Variants in NOL12 observed in about 807,000 individuals in gnomAD.
The protein encoded by NOL12 is nucleolar protein 12.
In NOL12, 21 loss-of-function variants were observed where a neutral mutation model predicts 25.2. The ratio of observed to expected loss-of-function variants is 0.83; its 90% CI spans 0.59 to 1.20. The LOEUF is 1.20. Ranked by LOEUF, NOL12 falls within the 50% of genes most tolerant of loss-of-function variation. NOL12 has a pLI of 0.00. For synonymous variants in NOL12, 133 were observed against 113.8 expected, an observed-to-expected ratio of 1.17 and a Z score of -1.08; for missense variants, 286 against 287.6, an observed-to-expected ratio of 0.99 and a Z score of 0.04.
Position 37,692,339 on chromosome 22 carries a change from GT to G in NOL12, c.*1005del. 2.5e-6 allele frequency: 1 copy of G among 395,460 alleles called. No individual in the cohort carries two copies. Among genetic ancestry groups the G allele is most frequent in the Non-Finnish European group, 4.5e-6 (1 of 224,634 alleles). 24.5% of individuals were successfully genotyped at this position (395,460 alleles called of 1,614,324 possible). A position where few individuals can be genotyped will look rare whatever the true frequency, so the allele number is the denominator to read the frequency against. ...GCCATTGCACTCCAGCCTGGGCAACGTTGTGACCTTGTCTCAAAAAAAAACT... is the reference window on the plus strand; with the variant it reads ...GCCATTGCACTCCAGCCTGGGCAACGTGTGACCTTGTCTCAAAAAAAAACT... On this transcript the variant is annotated 3_prime_UTR_variant, in exon 6 of 6. Coordinates refer to ENST00000359114, the MANE Select transcript of NOL12 (RefSeq NM_024313.3).
chr22:37,688,512 A>G, intron 3 of NOL12, 152 bp downstream of exon 3: 1 of 776,256 alleles, frequency 1.3e-6, no homozygotes, highest in Non-Finnish European at 2.2e-6. Context: ...CTCTAAGTGC[A>G]AGTGGAACAG....
Position 37,688,347 on chromosome 22 carries a change from A to G in NOL12, c.225A>G (p.Arg75=). Residue 75 remains arginine (R), a synonymous_variant, in exon 3 of 6, where the codon AGA becomes AGG. Transcript: ENST00000359114. ...AATACTTGAAGATGCTGGCAGAGAG[A>G]GAAGAGGCTCTGGGTAAGTGGCATG... ...HQEYLKMLAE[R]EEALEEADEL... 1.9e-6 allele frequency: 3 copies of G among 1,614,146 alleles called. No individual in the cohort carries two copies. Among genetic ancestry groups the G allele is most frequent in the Non-Finnish European group, 2.5e-6 (3 of 1,180,006 alleles).
chr22:37,692,736 G>T lies in NOL12; in HGVS notation c.*1400G>T, dbSNP rs558955900. ...GCCCTGATGTGGGAGCTCCTGGAGT[G>T]GGGGTGAGCAGTGAGCCAGGGTCTG... is the stretch of plus-strand genomic sequence containing the variant. On this transcript the variant is annotated 3_prime_UTR_variant, in exon 6 of 6. Coordinates refer to ENST00000359114, the MANE Select transcript of NOL12 (RefSeq NM_024313.3). 3.8e-5 allele frequency: 15 copies of T among 399,132 alleles called. No homozygotes were observed. In the East Asian group the frequency reaches 5.3e-4, roughly 14 times the overall value. The allele number at this position is 399,132 out of a possible 1,614,324, so 24.7% of individuals were successfully genotyped here.
Position 37,691,545 on chromosome 22 carries a change from A to G in NOL12, c.*209A>G. ...GAATTCCCGAAGGAGCAGGCAGCTG[A>G]GAGCAGGCCTCCCCCAGGAAGAGCC... On this transcript the variant is annotated 3_prime_UTR_variant, in exon 6 of 6. Coordinates refer to ENST00000359114, the MANE Select transcript of NOL12 (RefSeq NM_024313.3). 1 of 566,962 alleles carries G rather than the reference A, an allele frequency of 1.8e-6. No homozygotes were observed. 35.1% of individuals were successfully genotyped at this position (566,962 alleles called of 1,614,324 possible). A position where few individuals can be genotyped will look rare whatever the true frequency, so the allele number is the denominator to read the frequency against.
In NOL12 at chr22:37,687,894, G is replaced by A. The variant is rs1185691540; in HGVS notation, c.84-16G>A. 8 of 1,552,698 alleles carry A rather than the reference G, an allele frequency of 5.2e-6. No individual in the cohort carries two copies. The highest frequency in any genetic ancestry group is 6.1e-6 in the Non-Finnish European group (7 of 1,146,448). ...GTATAATGACTCTCCTGTCTCTGCC[G>A]GCTTCCTTCCTGTAGGGAGTACCTG... is the stretch of plus-strand genomic sequence containing the variant. On this transcript the variant is annotated splice_polypyrimidine_tract_variant and intron_variant, in intron 1 of 5. Transcript: ENST00000359114.
At chr22:37,690,316 C>T (rs778442706) in intron 4 of NOL12, among the ~76,000 whole-genome samples, 9 of 152,176 alleles carry the variant, frequency 5.9e-5, no homozygotes, top group African/African-American at 9.7e-5. Context: ...GGTGACAGAG[C>T]GAGACTCCAT....
At chr22:37,686,726 A>G (rs1463675287) in intron 1 of NOL12, 8 of 985,330 alleles carry the variant, frequency 8.1e-6, no homozygotes, top group Non-Finnish European at 9.6e-6. Flanking sequence ...GTCTCAGAGC[A>G]GTGGCTTCGA....
intron 1 of NOL12, chr22:37,687,705 A>G: frequency 2.3e-6 from 1 of 440,268 alleles, no homozygotes; most frequent in Non-Finnish European, 4.3e-6. Context: ...TGATCTTCCC[A>G]CCTCGACCTT....
Position 37,686,436 on chromosome 22 carries a change from G to C in NOL12, c.44G>C (p.Arg15Pro). ...AAGAAGCGAGATGGTGACGACCGGC[G>C]GCCGAGGCTCGTTCTTAGCTTCGAC... is the stretch of plus-strand genomic sequence containing the variant. Reference protein sequence around the residue: ...KKKKRDGDDRRPRLVLSFDEE... With the variant: ...KKKKRDGDDRPPRLVLSFDEE... The change falls in exon 1 of 6, where the codon CGG becomes CCG. Residue 15 changes from arginine (R) to proline (P), a missense_variant. Transcript: ENST00000359114. The C allele has an allele frequency of 1.2e-6, 2 of 1,605,854 alleles. No individual in the cohort carries two copies. Among genetic ancestry groups the C allele is most frequent in the East Asian group, 2.3e-5 (1 of 43,964 alleles).
chr22:37,691,633 G>GGAACTCAT lies in NOL12; in HGVS notation c.*297_*298insGAACTCAT. 7 of 378,684 alleles carry GGAACTCAT rather than the reference G, an allele frequency of 1.8e-5. No homozygotes were observed. Among genetic ancestry groups the GGAACTCAT allele is most frequent in the South Asian group, 7.8e-5 (1 of 12,850 alleles). The allele number at this position is 378,684 out of a possible 1,614,324, so 23.5% of individuals were successfully genotyped here. On this transcript the variant is annotated 3_prime_UTR_variant, in exon 6 of 6. Coordinates refer to ENST00000359114, the MANE Select transcript of NOL12 (RefSeq NM_024313.3). ...CCCACCTGGCACTCATCAGATTTGT[G>GGAACTCAT]CGCTTGTGATTTGTTTGTCCTTGAT...
intron 1 of NOL12, among the ~76,000 whole-genome samples, chr22:37,687,567 C>T (rs1921876606): frequency 6.6e-6 from 1 of 152,168 alleles, no homozygotes; most frequent in Non-Finnish European, 1.5e-5. Flanking sequence ...AAGCAATTCT[C>T]CCCGCTCAGC....
rs985500454 is a variant in NOL12, at chr22:37,693,068, A to G, written c.*1732A>G. 2 of 197,606 alleles carry G rather than the reference A, an allele frequency of 1.0e-5. No individual in the cohort carries two copies. Among genetic ancestry groups the G allele is most frequent in the African/African-American group, 4.6e-5 (2 of 43,352 alleles). 12.2% of individuals were successfully genotyped at this position (197,606 alleles called of 1,614,324 possible). On this transcript the variant is annotated 3_prime_UTR_variant, in exon 6 of 6. Coordinates refer to ENST00000359114, the MANE Select transcript of NOL12 (RefSeq NM_024313.3). Reference sequence around the variant, plus strand: ...CTCGTGCCTGGGCACAGTGGTGCCTATTATGGGCCCTCCAGGTGGCTCTGG... The same window carrying G: ...CTCGTGCCTGGGCACAGTGGTGCCTGTTATGGGCCCTCCAGGTGGCTCTGG...
At chr22:37,690,222 C>T (rs1438938401) in intron 4 of NOL12, among the ~76,000 whole-genome samples, 2 of 152,076 alleles carry the variant, frequency 1.3e-5, no homozygotes, top group East Asian at 1.9e-4. Flanking sequence ...CCCAGCTACT[C>T]GGGAGGCTGA....
chr22:37,687,922 A>G lies in NOL12; in HGVS notation c.96A>G (p.Thr32=), dbSNP rs200798006. 8.3e-6 allele frequency: 13 copies of G among 1,574,078 alleles called. No individual in the cohort carries two copies. In the African/African-American group the frequency reaches 1.3e-4, roughly 16 times the overall value. Residue 32 remains threonine (T), a synonymous_variant, in exon 2 of 6, where the codon ACA becomes ACG. Transcript: ENST00000359114. ...FDEEKRREYL[T]GFHKRKVERK... ...TTCCTTCCTGTAGGGAGTACCTGAC[A>G]GGCTTCCACAAGCGGAAGGTCGAGC...
In NOL12 at chr22:37,686,782, C is replaced by T. The variant is rs1010473378; in HGVS notation, c.83+307C>T. 64 of 985,488 alleles carry T rather than the reference C, an allele frequency of 6.5e-5. No homozygotes were observed. In the African/African-American group the frequency reaches 9.9e-4, roughly 15 times the overall value. The allele number at this position is 985,488 out of a possible 1,614,324, so 61.0% of individuals were successfully genotyped here. A position where few individuals can be genotyped will look rare whatever the true frequency, so the allele number is the denominator to read the frequency against. On this transcript the variant is annotated intron_variant, in intron 1 of 5. Coordinates refer to ENST00000359114, the MANE Select transcript of NOL12 (RefSeq NM_024313.3). ...CCATCGGTCCGGCACACAGCAGGCGCCCAGCCGTGGTTGATAAATGATGAG... is the reference window on the plus strand; with the variant it reads ...CCATCGGTCCGGCACACAGCAGGCGTCCAGCCGTGGTTGATAAATGATGAG...
At chr22:37,687,145 G>A (rs1921850971) in intron 1 of NOL12, 2 of 953,540 alleles carry the variant, frequency 2.1e-6, no homozygotes, top group African/African-American at 1.8e-5. Context: ...GGACATGGGT[G>A]TTGGTCCAGT....
rs1569025236 is a variant in NOL12, at chr22:37,690,776, AC to A, written c.466del (p.Leu156CysfsTer88). ...AAAGCCTTGCCCAGGAAGTCCAGAG[AC>A]CCCCTGCTCTCTCAGCGGTGAGTCT... is the stretch of plus-strand genomic sequence containing the variant. ...PTKALPRKSR[D>X]PLLSQRISSL... On this transcript the variant is annotated frameshift_variant, in exon 5 of 6. Coordinates refer to ENST00000359114, the MANE Select transcript of NOL12 (RefSeq NM_024313.3). LOFTEE classifies it high-confidence loss of function. 2 of 1,612,566 alleles carry A rather than the reference AC, an allele frequency of 1.2e-6. No homozygotes were observed. Among genetic ancestry groups the A allele is most frequent in the African/African-American group, 1.3e-5 (1 of 74,764 alleles).
At chr22:37,689,119 G>A in intron 4 of NOL12, 127 bp downstream of exon 4, 7 of 1,195,846 alleles carry the variant, frequency 5.9e-6, no homozygotes, top group African/African-American at 1.5e-5. Context: ...CGTGGGGGCA[G>A]ACTGGCTTGT....
At chr22:37,691,049 G>A in intron 5 of NOL12, 125 bp from the exon 6 acceptor site, 4 of 1,168,824 alleles carry the variant, frequency 3.4e-6, no homozygotes, top group Non-Finnish European at 4.9e-6. Flanking sequence ...AGGTAGAGCA[G>A]GCCAACTCTG....
Sources: allele counts gnomAD v4.1 joint callset (sites outside exome capture counted in the v4.1 genomes callset), GRCh38; gene constraint gnomAD v4.1.1; transcripts MANE v1.5; gene names NCBI Gene and HGNC (gene_info 2026-07-23, HGNC 2026-07-21).